GPC5: variants seen among roughly 807,000 people sequenced by gnomAD.
GPC5 encodes glypican-5.
Under a neutral mutation model 53.9 loss-of-function variants are expected in GPC5, and 47 were observed. The ratio of observed to expected loss-of-function variants is 0.87; its 90% CI spans 0.69 to 1.11. GPC5 has a LOEUF of 1.11. Among genes scored for constraint, GPC5 ranks in the 50% most tolerant of loss-of-function variants. GPC5 has a pLI of 0.00. For missense variants in GPC5, 748 were observed against 713.1 expected (o/e 1.05, Z -0.56); for synonymous variants, 286 against 263.3 (o/e 1.09, Z -0.84).
chr13:92,310,820 C>A (rs1276251318), intron 7 of GPC5, among the ~76,000 whole-genome samples: 1 of 152,120 alleles, frequency 6.6e-6, no homozygotes, highest in Non-Finnish European at 1.5e-5. Context: ...AAATAGTAAC[C>A]AGATTATAGG....
chr13:92,752,581 G>A (rs1163236501), intron 7 of GPC5, among the ~76,000 whole-genome samples: 1 of 152,130 alleles, frequency 6.6e-6, no homozygotes, highest in East Asian at 1.9e-4. Context: ...GAGGTACCGG[G>A]TTCATCTCAC....
chr13:92,512,256 G>A (rs971725144), intron 7 of GPC5, among the ~76,000 whole-genome samples: 19 of 151,874 alleles, frequency 1.3e-4, no homozygotes, highest in South Asian at 2.1e-4. Context: ...GTGTGCGCGC[G>A]CGCGCGCGTA....
intron 5 of GPC5, among the ~76,000 whole-genome samples, chr13:91,876,157 G>A (rs965571964): frequency 6.6e-6 from 1 of 152,186 alleles, no homozygotes; most frequent in African/African-American, 2.4e-5. Flanking sequence ...TTGTGGAACT[G>A]TAAGTCCACT....
chr13:92,319,105 G>A (rs145233571), intron 7 of GPC5, among the ~76,000 whole-genome samples: 1 of 152,238 alleles, frequency 6.6e-6, no homozygotes, highest in South Asian at 2.1e-4. Context: ...GAAACTGAAA[G>A]AGTGTCTCAG....
intron 7 of GPC5, among the ~76,000 whole-genome samples, chr13:92,842,167 G>A (rs1248612388): frequency 1.3e-5 from 2 of 152,062 alleles, no homozygotes; most frequent in Admixed American, 6.6e-5. Flanking sequence ...ATCCCTCAAT[G>A]TATGTGATAG....
intron 6 of GPC5, among the ~76,000 whole-genome samples, chr13:91,975,077 A>C (rs368668136): frequency 0.038 from 5,806 of 152,302 alleles, 175 homozygotes; most frequent in Middle Eastern, 0.12. Flanking sequence ...ATGTAGAAAG[A>C]TGAAACTGGA....
At chr13:92,163,304 T>TA (rs1255032852) in intron 7 of GPC5, among the ~76,000 whole-genome samples, 1 of 151,640 alleles carries the variant, frequency 6.6e-6, no homozygotes, top group Non-Finnish European at 1.5e-5. Context: ...CTAGTAAAAA[T>TA]ACAGACCTCA....
intron 6 of GPC5, among the ~76,000 whole-genome samples, chr13:92,044,953 C>T (rs1478333147): frequency 6.6e-6 from 1 of 152,106 alleles, no homozygotes; most frequent in East Asian, 1.9e-4. Flanking sequence ...GTTAATTAAG[C>T]ACCCCATCTT....
intron 5 of GPC5, among the ~76,000 whole-genome samples, chr13:91,825,360 G>C (rs185543760): frequency 2.2e-4 from 34 of 152,224 alleles, no homozygotes; most frequent in Non-Finnish European, 4.4e-4. Context: ...TTATACGTTT[G>C]TGTGTTGTGT....
chr13:92,771,090 G>A (rs1454538693), intron 7 of GPC5, among the ~76,000 whole-genome samples: 1 of 152,052 alleles, frequency 6.6e-6, no homozygotes, highest in Non-Finnish European at 1.5e-5. Context: ...CGAGTGGGTG[G>A]GGGCTGGACT....
rs1031976478 is a variant in GPC5 at position 92,541,206 on chromosome 13, C to A, written c.1562-325076C>A. ...CGTATTTTAAAATGTTTCTGAAATGCGTGTAAGGTGGTACATGAAAATGTA... is the reference window on the plus strand; with the variant it reads ...CGTATTTTAAAATGTTTCTGAAATGAGTGTAAGGTGGTACATGAAAATGTA... On this transcript the variant is annotated intron_variant, in intron 7 of 7. Coordinates refer to ENST00000377067, the MANE Select transcript of GPC5 (RefSeq NM_004466.6). 2.6e-5 allele frequency among the ~76,000 whole-genome samples: 4 copies of A among 151,670 alleles called. No homozygotes were observed. The South Asian group carries it at 8.3e-4, about 32-fold the overall frequency.
chr13:92,138,974 C>A (rs1289087750), intron 6 of GPC5, among the ~76,000 whole-genome samples: 1 of 151,910 alleles, frequency 6.6e-6, no homozygotes, highest in Non-Finnish European at 1.5e-5. Flanking sequence ...TTCCTATATT[C>A]CAGATTTATA....
intron 2 of GPC5, among the ~76,000 whole-genome samples, chr13:91,502,039 GTCT>G (rs1205210083): frequency 6.6e-6 from 1 of 152,216 alleles, no homozygotes; most frequent in Non-Finnish European, 1.5e-5. Flanking sequence ...CTGCATAAAT[GTCT>G]TCTTTGAGAA....
intron 7 of GPC5, among the ~76,000 whole-genome samples, chr13:92,634,141 C>A (rs930876926): frequency 6.6e-6 from 1 of 151,976 alleles, no homozygotes; most frequent in African/African-American, 2.4e-5. Flanking sequence ...ATGCTCAATT[C>A]AATTTGCTAA....
At chr13:92,833,682 A>G (rs1878126673) in intron 7 of GPC5, among the ~76,000 whole-genome samples, 1 of 152,174 alleles carries the variant, frequency 6.6e-6, no homozygotes, top group South Asian at 2.1e-4. Flanking sequence ...TATTATGGAA[A>G]TACATGGTAT....
chr13:91,501,275 A>G (rs1223515069), intron 2 of GPC5, among the ~76,000 whole-genome samples: 2 of 106,666 alleles, frequency 1.9e-5, no homozygotes, highest in Non-Finnish European at 3.8e-5. Context: ...TTTAAGTTTT[A>G]GGATACATGT....
chr13:92,530,200 A>G (rs1881506261), intron 7 of GPC5, among the ~76,000 whole-genome samples: 1 of 101,628 alleles, frequency 9.8e-6, no homozygotes, highest in African/African-American at 3.8e-5. Context: ...TTAGACTGGG[A>G]TGTGAGCTAT....
At position 92,067,468 on chromosome 13, in the gene GPC5, A is replaced by G. The variant is rs150575191; in HGVS notation, c.1402-77362A>G. 3.0e-3 allele frequency among the ~76,000 whole-genome samples: 456 copies of G among 152,152 alleles called. 1 individual carries two copies. The highest frequency in any genetic ancestry group is 0.01 in the African/African-American group (424 of 41,574). On this transcript the variant is annotated intron_variant, in intron 6 of 7. Transcript: ENST00000377067. ...TATGTTTTAGGATCAGAGAATTTCA[A>G]CCAAATATTAAATTCTCAAATAGTA...
intron 6 of GPC5, among the ~76,000 whole-genome samples, chr13:91,979,780 A>G (rs1263715808): frequency 6.6e-6 from 1 of 151,134 alleles, no homozygotes; most frequent in Non-Finnish European, 1.5e-5. Context: ...TCCTATGGGC[A>G]CAAATGTAAT....
Sources: allele counts gnomAD v4.1 joint callset (sites outside exome capture counted in the v4.1 genomes callset), GRCh38; gene constraint gnomAD v4.1.1; transcripts MANE v1.5; gene names NCBI Gene and HGNC (gene_info 2026-07-23, HGNC 2026-07-21).